The following CNBD1 variants were observed in gnomAD, a reference collection of about 807,000 sequenced individuals.
CNBD1 encodes cyclic nucleotide-binding domain-containing protein 1.
A neutral mutation model predicts 54.4 loss-of-function variants in CNBD1; 71 were observed. That is an observed-to-expected ratio of 1.30 (90% CI 1.08 to 1.59). The LOEUF (loss-of-function observed/expected upper bound fraction) is 1.59, where lower values mean the gene tolerates loss of function less well. Ranked by LOEUF, CNBD1 falls within the 40% of genes most tolerant of loss-of-function variation. The probability of loss-of-function intolerance (pLI) is 0.00; values close to 1 mark genes in which losing one functional copy is unlikely to be tolerated. For missense variants in CNBD1, 659 were observed against 518.0 expected (o/e 1.27, Z -2.64); for synonymous variants, 182 against 170.7 (o/e 1.07, Z -0.51).
rs182994819 is a variant in CNBD1, at chr8:87,353,577, T to C, written c.1153-59T>C. ...ATGAGTGAGTTTCTGATAAAAACAA[T>C]ACTGATTCATTATATGGAAGCAGTT... is the stretch of plus-strand genomic sequence containing the variant. On this transcript the variant is annotated intron_variant, in intron 9 of 10. Transcript: ENST00000518476. 112 of 1,113,092 alleles carry C rather than the reference T, an allele frequency of 1.0e-4. No individual in the cohort carries two copies. The Admixed American group carries it at 1.5e-3, about 15-fold the overall frequency. The allele number at this position is 1,113,092 out of a possible 1,614,324, so 69.0% of individuals were successfully genotyped here.
intron 3 of CNBD1, among the ~76,000 whole-genome samples, chr8:86,909,653 C>G (rs1212568930): frequency 6.6e-6 from 1 of 152,050 alleles, no homozygotes; most frequent in African/African-American, 2.4e-5. Context: ...AATATGTAAA[C>G]TGCAGCTCAA....
chr8:87,275,645 C>A (rs977221126), intron 6 of CNBD1, among the ~76,000 whole-genome samples: 5 of 151,550 alleles, frequency 3.3e-5, no homozygotes, highest in African/African-American at 1.2e-4. Flanking sequence ...TGGAAGCATT[C>A]CCTTTGAAAA....
At chr8:87,056,608 T>C (rs1410581269) in intron 4 of CNBD1, among the ~76,000 whole-genome samples, 3 of 152,162 alleles carry the variant, frequency 2.0e-5, no homozygotes, top group South Asian at 2.1e-4. Context: ...TACTAGCCAT[T>C]ATCATCCAGA....
chr8:87,351,604 A>T, intron 8 of CNBD1, 81 bp from the exon 9 acceptor site: 1 of 1,280,050 alleles, frequency 7.8e-7, no homozygotes, highest in Non-Finnish European at 1.0e-6. Flanking sequence ...AATTAAATAC[A>T]TTAACTTTTG....
chr8:87,215,271 T>C (rs191644558), intron 5 of CNBD1, among the ~76,000 whole-genome samples: 2 of 152,246 alleles, frequency 1.3e-5, no homozygotes, highest in Admixed American at 1.3e-4. Context: ...ATCTCCAGAA[T>C]AGGCCAATTC....
intron 5 of CNBD1, among the ~76,000 whole-genome samples, chr8:87,208,368 C>T (rs1814022204): frequency 6.6e-6 from 1 of 151,734 alleles, no homozygotes; most frequent in African/African-American, 2.4e-5. Context: ...TAAAATGCTA[C>T]AAAAAATGAT....
chr8:86,914,728 A>G (rs1157593253), intron 3 of CNBD1, among the ~76,000 whole-genome samples: 2 of 152,228 alleles, frequency 1.3e-5, no homozygotes, highest in African/African-American at 4.8e-5. Flanking sequence ...TACCTAATCT[A>G]CACTTCCCTT....
At chr8:86,964,324 C>T (rs1047015273) in intron 4 of CNBD1, among the ~76,000 whole-genome samples, 14 of 152,114 alleles carry the variant, frequency 9.2e-5, no homozygotes, top group Non-Finnish European at 1.6e-4. Context: ...CATTGGGGTC[C>T]CATTTAGTGT....
chr8:86,939,391 A>G (rs1024930785), intron 3 of CNBD1, among the ~76,000 whole-genome samples: 1 of 152,192 alleles, frequency 6.6e-6, no homozygotes, highest in Non-Finnish European at 1.5e-5. Context: ...TATTTCATAT[A>G]TTCCAAGTTC....
intron 4 of CNBD1, among the ~76,000 whole-genome samples, chr8:87,113,822 G>A (rs1189241182): frequency 6.6e-6 from 1 of 152,006 alleles, no homozygotes; most frequent in Non-Finnish European, 1.5e-5. Flanking sequence ...GGGAGGCTGA[G>A]GCAGGAGAAT....
intron 6 of CNBD1, among the ~76,000 whole-genome samples, chr8:87,282,807 G>T (rs1232145716): frequency 3.3e-5 from 5 of 151,890 alleles, no homozygotes; most frequent in Non-Finnish European, 7.4e-5. Flanking sequence ...AAAATTAAAT[G>T]GACAATATCT....
At chr8:87,107,512 C>A (rs1811567139) in intron 4 of CNBD1, among the ~76,000 whole-genome samples, 1 of 152,210 alleles carries the variant, frequency 6.6e-6, no homozygotes, top group African/African-American at 2.4e-5. Flanking sequence ...ACCCATTAGT[C>A]TCTATTTCAA....
At chr8:87,324,165 G>T (rs1476948837) in intron 8 of CNBD1, among the ~76,000 whole-genome samples, 10 of 125,112 alleles carry the variant, frequency 8.0e-5, no homozygotes, top group Non-Finnish European at 1.4e-4. Flanking sequence ...ACTTGATCAT[G>T]GTGGATAAGC....
At chr8:87,147,129 G>A (rs1252273431) in intron 4 of CNBD1, among the ~76,000 whole-genome samples, 4 of 152,008 alleles carry the variant, frequency 2.6e-5, no homozygotes, top group Non-Finnish European at 5.9e-5. Context: ...TAAGATCTCA[G>A]ACTAATGTAA....
chr8:87,043,192 G>C (rs1286318546), intron 4 of CNBD1, among the ~76,000 whole-genome samples: 1 of 152,136 alleles, frequency 6.6e-6, no homozygotes, highest in Non-Finnish European at 1.5e-5. Context: ...GGAATGAGGT[G>C]GTTGTACCTG....
At chr8:87,428,239 G>A (rs114536779) in intron 2 of CNBD1, among the ~76,000 whole-genome samples, 1,544 of 151,998 alleles carry the variant, frequency 0.01, 23 homozygotes, top group African/African-American at 0.034. Context: ...ATCTGCCAGC[G>A]GATAAATGAA....
chr8:87,350,875 T>A (rs1035343856), intron 8 of CNBD1, among the ~76,000 whole-genome samples: 1 of 152,076 alleles, frequency 6.6e-6, no homozygotes, highest in Non-Finnish European at 1.5e-5. Flanking sequence ...GATCAAGGGA[T>A]TTTTATTTTA....
At chr8:87,309,207 G>T (rs548659722) in intron 8 of CNBD1, among the ~76,000 whole-genome samples, 1 of 152,096 alleles carries the variant, frequency 6.6e-6, no homozygotes, top group African/African-American at 2.4e-5. Context: ...TACCAACAAT[G>T]TATAAGACTT....
intron 4 of CNBD1, among the ~76,000 whole-genome samples, chr8:87,041,723 T>C (rs13264490): frequency 0.24 from 36,981 of 151,120 alleles, 4,818 homozygotes; most frequent in South Asian, 0.38. Context: ...GGCGTGAACC[T>C]GGGAGGCGGA....
Sources: allele counts gnomAD v4.1 joint callset (sites outside exome capture counted in the v4.1 genomes callset), GRCh38; gene constraint gnomAD v4.1.1; transcripts MANE v1.5; gene names NCBI Gene and HGNC (gene_info 2026-07-23, HGNC 2026-07-21).